The following CREB5 variants were observed in gnomAD, a reference collection of about 807,000 sequenced individuals.
The protein encoded by CREB5 is cAMP responsive element binding protein 5.
In CREB5, 19 loss-of-function variants were observed where a neutral mutation model predicts 57.1. That is an observed-to-expected ratio of 0.33 (90% CI 0.23 to 0.49). The LOEUF (loss-of-function observed/expected upper bound fraction) is 0.49, where lower values mean the gene tolerates loss of function less well. Ranked by LOEUF, CREB5 falls within the 20% of genes least tolerant of loss-of-function variation. CREB5 has a pLI of 0.99. For missense variants in CREB5, 579 were observed against 671.6 expected, an observed-to-expected ratio of 0.86 and a Z score of 1.52; for synonymous variants, 238 against 238.3, an observed-to-expected ratio of 1.00 and a Z score of 0.01.
intron 1 of CREB5, among the ~76,000 whole-genome samples, chr7:28,396,261 A>T (rs1199719977): frequency 6.6e-6 from 1 of 152,220 alleles, no homozygotes; most frequent in African/African-American, 2.4e-5. Context: ...AAAGAGTTAG[A>T]TAAAGCTCTA....
intron 7 of CREB5, among the ~76,000 whole-genome samples, chr7:28,778,187 TA>T (rs1319520223): frequency 2.0e-5 from 3 of 152,262 alleles, no homozygotes; most frequent in Non-Finnish European, 4.4e-5. Flanking sequence ...GAACTTGTAG[TA>T]ACTTGAGCAC....
intron 7 of CREB5, among the ~76,000 whole-genome samples, chr7:28,803,353 T>C (rs12700906): frequency 0.29 from 43,908 of 152,164 alleles, 7,705 homozygotes; most frequent in Middle Eastern, 0.41. Flanking sequence ...ACTCTAATTT[T>C]AAGCCCTAAA....
In CREB5 at chr7:28,507,632, A is replaced by C. The variant is rs981535574; in HGVS notation, c.186A>C (p.Pro62=). The C allele has an allele frequency of 6.2e-7, 1 of 1,610,726 alleles. No homozygotes were observed. Among genetic ancestry groups the C allele is most frequent in the Non-Finnish European group, 8.5e-7 (1 of 1,177,584 alleles). ...TGTTTTCAGATCAAACTCCGACCCC[A>C]ACGAGATTCCTGAAGAACTGCGAGG... ...DNMLSDQTPT[P]TRFLKNCEEV... Residue 62 remains proline (P), a synonymous_variant, in exon 4 of 11, where the codon CCA becomes CCC. Coordinates refer to ENST00000357727, the MANE Select transcript of CREB5 (RefSeq NM_182898.4).
intron 5 of CREB5, among the ~76,000 whole-genome samples, chr7:28,704,620 C>T (rs1371631667): frequency 6.6e-6 from 1 of 152,024 alleles, no homozygotes; most frequent in Non-Finnish European, 1.5e-5. Flanking sequence ...CCATGCCTGG[C>T]TCATTTTTAA....
At chr7:28,392,500 C>A (rs573901619) in intron 1 of CREB5, among the ~76,000 whole-genome samples, 33 of 152,222 alleles carry the variant, frequency 2.2e-4, no homozygotes, top group Non-Finnish European at 4.1e-4. Flanking sequence ...TTGCACCAAC[C>A]AAATACATGT....
intron 3 of CREB5, among the ~76,000 whole-genome samples, chr7:28,506,178 G>A (rs1429005697): frequency 2.6e-5 from 4 of 152,072 alleles, no homozygotes; most frequent in African/African-American, 4.8e-5. Flanking sequence ...GATTCGGTGG[G>A]GGATATTACA....
intron 5 of CREB5, among the ~76,000 whole-genome samples, chr7:28,681,350 TA>T (rs1800582257): frequency 6.6e-6 from 1 of 152,192 alleles, no homozygotes; most frequent in African/African-American, 2.4e-5. Context: ...TCTTTTTCTT[TA>T]ATTAATTTAT....
At chr7:28,346,289 G>T (rs1243667943) in intron 1 of CREB5, among the ~76,000 whole-genome samples, 2 of 152,176 alleles carry the variant, frequency 1.3e-5, no homozygotes, top group African/African-American at 4.8e-5. Context: ...GTAAGATCAA[G>T]GCATCCACAG....
At chr7:28,530,541 T>C (rs907677401) in intron 4 of CREB5, among the ~76,000 whole-genome samples, 2 of 152,242 alleles carry the variant, frequency 1.3e-5, no homozygotes. Context: ...AAGCCATTAG[T>C]CAGCCTTATT....
intron 1 of CREB5, among the ~76,000 whole-genome samples, chr7:28,328,745 A>G (rs1785658290): frequency 6.6e-6 from 1 of 152,170 alleles, no homozygotes; most frequent in Admixed American, 6.5e-5. Flanking sequence ...AAGGCAGATC[A>G]CTACCAGATA....
intron 1 of CREB5, among the ~76,000 whole-genome samples, chr7:28,453,401 T>C (rs1789927169): frequency 6.6e-6 from 1 of 152,194 alleles, no homozygotes; most frequent in African/African-American, 2.4e-5. Flanking sequence ...ATTGTGCCAC[T>C]GCACTCCAGC....
At chr7:28,809,836 G>T (rs1276926949) in intron 9 of CREB5, among the ~76,000 whole-genome samples, 1 of 152,202 alleles carries the variant, frequency 6.6e-6, no homozygotes, top group Non-Finnish European at 1.5e-5. Flanking sequence ...GTTGCCCAGT[G>T]CCTGGCCCAT....
intron 1 of CREB5, among the ~76,000 whole-genome samples, chr7:28,301,416 A>ATACATGCATG (rs535373456): frequency 1.7e-3 from 259 of 152,310 alleles, no homozygotes; most frequent in Non-Finnish European, 3.0e-3. Flanking sequence ...GGATCTTGTT[A>ATACATGCATG]TTATACATGC....
At chr7:28,817,391 G>C (rs1260701666) in intron 9 of CREB5, among the ~76,000 whole-genome samples, 1 of 152,166 alleles carries the variant, frequency 6.6e-6, no homozygotes, top group Non-Finnish European at 1.5e-5. Flanking sequence ...GGGGAGAGCA[G>C]GGATTCATGA....
At chr7:28,533,119 G>A (rs2128622999) in intron 4 of CREB5, among the ~76,000 whole-genome samples, 1 of 152,222 alleles carries the variant, frequency 6.6e-6, no homozygotes, top group Middle Eastern at 3.4e-3. Flanking sequence ...GCCGGGTGTG[G>A]TGGTGCACAC....
In CREB5 at chr7:28,724,256, T is replaced by C. The variant is rs761201457; in HGVS notation, c.626T>C (p.Met209Thr). 20 of 1,613,520 alleles carry C rather than the reference T, an allele frequency of 1.2e-5. 1 individual carries two copies. Among genetic ancestry groups the C allele is most frequent in the South Asian group, 2.2e-5 (2 of 91,060 alleles). The change falls in exon 7 of 11, where the codon ATG (methionine) becomes ACG (threonine). Residue 209 changes from methionine (M) to threonine (T), a missense_variant. Around this residue, in one of 3 missense-constraint regions of CREB5, gnomAD observed 459 missense variants for 515.7 expected, o/e 0.89. Coordinates refer to ENST00000357727, the MANE Select transcript of CREB5 (RefSeq NM_182898.4). ...ERQMSVNSSI[M>T]GMQGPNLSNP... The stretch of plus-strand genomic sequence containing the variant: ...CAAATGTCAGTGAACTCCAGCATCA[T>C]GGGGATGCAAGGTCCAAATCTCAGC...
chr7:28,669,861 C>G (rs1799961043), intron 5 of CREB5, among the ~76,000 whole-genome samples: 1 of 152,218 alleles, frequency 6.6e-6, no homozygotes, highest in Non-Finnish European at 1.5e-5. Flanking sequence ...GGATGTAACT[C>G]TCAGCTCAAA....
intron 4 of CREB5, among the ~76,000 whole-genome samples, chr7:28,560,135 A>C (rs1022274219): frequency 6.6e-6 from 1 of 152,212 alleles, no homozygotes; most frequent in Non-Finnish European, 1.5e-5. Flanking sequence ...AAGGTACATG[A>C]TCCTCATTTT....
intron 5 of CREB5, among the ~76,000 whole-genome samples, chr7:28,705,962 G>A (rs987330142): frequency 1.3e-5 from 2 of 152,204 alleles, no homozygotes; most frequent in Non-Finnish European, 2.9e-5. Context: ...CCTGAGAAGA[G>A]GGTTGAGAGA....
Sources: gnomAD v4.1 joint callset for allele counts (sites outside exome capture counted in the v4.1 genomes callset) on GRCh38, gnomAD v4.1.1 for gene constraint, gnomAD v4.1.1 regional missense constraint, MANE v1.5 for transcripts, NCBI Gene and HGNC (gene_info 2026-07-23, HGNC 2026-07-21) for gene names.